The following PRKCH variants were observed in gnomAD, a reference collection of about 807,000 sequenced individuals.
The protein encoded by PRKCH is protein kinase C eta.
Under a neutral mutation model 82.5 loss-of-function variants are expected in PRKCH, and 28 were observed. The ratio of observed to expected loss-of-function variants is 0.34; its 90% CI spans 0.25 to 0.47. The LOEUF is 0.47. Ranked by LOEUF, PRKCH falls within the 20% of genes least tolerant of loss-of-function variation. PRKCH has a pLI of 1.00. For synonymous variants in PRKCH, 322 were observed against 327.4 expected (o/e 0.98, Z 0.18); for missense variants, 705 against 881.8 (o/e 0.80, Z 2.54).
At chr14:61,549,616 T>C in intron 13 of PRKCH, 69 bp from the exon 14 acceptor site, 1 of 1,546,458 alleles carries the variant, frequency 6.5e-7, no homozygotes, top group Non-Finnish European at 8.8e-7. Context: ...GAATGGGCTA[T>C]ATCCCATGCA....
At chr14:61,269,531 AT>A (rs371813063) in intron 1 of PRKCH, among the ~76,000 whole-genome samples, 113 of 152,080 alleles carry the variant, frequency 7.4e-4, no homozygotes, top group African/African-American at 2.5e-3. Context: ...CCACCCTCTC[AT>A]GGGCCCCAGG....
intron 10 of PRKCH, among the ~76,000 whole-genome samples, chr14:61,518,628 CA>C (rs1361422998): frequency 2.6e-5 from 4 of 152,092 alleles, no homozygotes; most frequent in Admixed American, 2.0e-4. Context: ...TACCGTGAGA[CA>C]AAGTGAGGGG....
intron 1 of PRKCH, among the ~76,000 whole-genome samples, chr14:61,342,118 C>T (rs1566829010): frequency 6.6e-6 from 1 of 152,050 alleles, no homozygotes; most frequent in African/African-American, 2.4e-5. Flanking sequence ...TGGGCTGTCT[C>T]ATGGGAAGGG....
At chr14:61,393,855 T>C (rs1437911452) in intron 2 of PRKCH, among the ~76,000 whole-genome samples, 1 of 152,244 alleles carries the variant, frequency 6.6e-6, no homozygotes, top group Admixed American at 6.5e-5. Flanking sequence ...GCCCTACAAA[T>C]GTGGGTCTCA....
chr14:61,300,382 A>G (rs1476312366), intron 1 of PRKCH, among the ~76,000 whole-genome samples: 2 of 152,218 alleles, frequency 1.3e-5, no homozygotes, highest in African/African-American at 4.8e-5. Context: ...ACTTGATGAA[A>G]CAGAATTTAT....
intron 9 of PRKCH, 64 bp from the exon 10 acceptor site, chr14:61,485,438 C>T: frequency 6.4e-7 from 1 of 1,557,598 alleles, no homozygotes; most frequent in Admixed American, 1.8e-5. Context: ...AGGCAATATG[C>T]TGCTGATGGA....
At chr14:61,396,341 C>A (rs1299651400) in intron 2 of PRKCH, among the ~76,000 whole-genome samples, 1 of 152,026 alleles carries the variant, frequency 6.6e-6, no homozygotes, top group Non-Finnish European at 1.5e-5. Context: ...TTTAATTTTT[C>A]ATTAATTATA....
At chr14:61,465,421 T>C (rs1182452528) in intron 9 of PRKCH, among the ~76,000 whole-genome samples, 1 of 152,226 alleles carries the variant, frequency 6.6e-6, no homozygotes, top group Non-Finnish European at 1.5e-5. Flanking sequence ...GATGAGGGTC[T>C]GTTTTTATTC....
chr14:61,488,194 G>GC (rs1406400122), intron 10 of PRKCH, among the ~76,000 whole-genome samples: 3 of 151,920 alleles, frequency 2.0e-5, no homozygotes, highest in Non-Finnish European at 4.4e-5. Context: ...ATGGTGGCAT[G>GC]CACCTGTGGT....
At chr14:61,412,700 G>A (rs189682137) in intron 2 of PRKCH, among the ~76,000 whole-genome samples, 110 of 152,262 alleles carry the variant, frequency 7.2e-4, no homozygotes, top group African/African-American at 2.5e-3. Context: ...AAAAACGGAA[G>A]CATTCTTCTT....
At chr14:61,303,291 G>T (rs1325000995) in intron 1 of PRKCH, 1 of 152,146 alleles carries the variant, frequency 6.6e-6, no homozygotes, top group Non-Finnish European at 1.5e-5. Flanking sequence ...GCCTCCCAAA[G>T]TTCTGGGATT....
intron 1 of PRKCH, among the ~76,000 whole-genome samples, chr14:61,237,443 A>G (rs1219660608): frequency 1.3e-5 from 2 of 152,162 alleles, no homozygotes; most frequent in Non-Finnish European, 2.9e-5. Flanking sequence ...CCAGGTCTTC[A>G]TCCTGATCGA....
chr14:61,458,228 G>T (rs143437920), intron 9 of PRKCH, among the ~76,000 whole-genome samples: 1 of 152,230 alleles, frequency 6.6e-6, no homozygotes. Flanking sequence ...CTGTAATGGC[G>T]TGCGTTTAGG....
chr14:61,271,756 A>C (rs1424808950), intron 1 of PRKCH, among the ~76,000 whole-genome samples: 1 of 152,214 alleles, frequency 6.6e-6, no homozygotes, highest in Non-Finnish European at 1.5e-5. Flanking sequence ...AACAAATGGC[A>C]GCTATTTGTT....
intron 1 of PRKCH, among the ~76,000 whole-genome samples, chr14:61,230,198 T>C (rs1002982487): frequency 1.3e-5 from 2 of 152,172 alleles, no homozygotes; most frequent in Admixed American, 6.5e-5. Context: ...GTGTGGGTGC[T>C]GGCCAAAGCC....
intron 5 of PRKCH, among the ~76,000 whole-genome samples, chr14:61,450,292 CAG>C (rs1371704430): frequency 6.6e-6 from 1 of 152,128 alleles, no homozygotes. Flanking sequence ...AGATTTAACT[CAG>C]ATTGTCAGAT....
At chr14:61,303,000 T>C (rs2045459290) in intron 1 of PRKCH, 1 of 149,474 alleles carries the variant, frequency 6.7e-6, no homozygotes, top group Non-Finnish European at 1.5e-5. Flanking sequence ...GATTTGTATA[T>C]TTGTTCCTTC....
At chr14:61,194,183 A>G (rs2044426281) in intron 1 of PRKCH, among the ~76,000 whole-genome samples, 1 of 152,242 alleles carries the variant, frequency 6.6e-6, no homozygotes, top group Non-Finnish European at 1.5e-5. Context: ...GAGATTATAA[A>G]TATGCATCCT....
chr14:61,386,186 G>C (rs967435033), intron 1 of PRKCH, among the ~76,000 whole-genome samples: 1 of 152,216 alleles, frequency 6.6e-6, no homozygotes, highest in Non-Finnish European at 1.5e-5. Flanking sequence ...GGGGATACTG[G>C]TTGTATGCAG....
Sources: allele counts gnomAD v4.1 joint callset (sites outside exome capture counted in the v4.1 genomes callset), GRCh38; gene constraint gnomAD v4.1.1; transcripts MANE v1.5; gene names NCBI Gene and HGNC (gene_info 2026-07-23, HGNC 2026-07-21).